DNAL1: variants seen among roughly 807,000 people sequenced by gnomAD.
The protein encoded by DNAL1 is dynein axonemal light chain 1, also known as chromosome 14 open reading frame 168.
DNAL1 carries 17 observed loss-of-function variants against 29.4 expected under a neutral mutation model. That is an observed-to-expected ratio of 0.58 (90% CI 0.40 to 0.87). The LOEUF (loss-of-function observed/expected upper bound fraction) is 0.87. Ranked by LOEUF, DNAL1 falls within the 40% of genes least tolerant of loss-of-function variation. The pLI, the probability that DNAL1 is intolerant of heterozygous loss-of-function variation, is 0.00. For missense variants in DNAL1, 188 were observed against 214.1 expected (o/e 0.88, Z 0.76); for synonymous variants, 78 against 76.3 (o/e 1.02, Z -0.12).
intron 7 of DNAL1, among the ~76,000 whole-genome samples, chr14:73,695,484 A>G (rs949840878): frequency 6.6e-6 from 1 of 152,072 alleles, no homozygotes; most frequent in Non-Finnish European, 1.5e-5. Flanking sequence ...TTATTTTGTG[A>G]AATTATTTTT....
At chr14:73,692,985 G>A (rs1892211179) in intron 7 of DNAL1, among the ~76,000 whole-genome samples, 1 of 151,910 alleles carries the variant, frequency 6.6e-6, no homozygotes, top group Non-Finnish European at 1.5e-5. Flanking sequence ...ACAGGCGTCC[G>A]CCACCACGCC....
chr14:73,695,749 G>C lies in DNAL1; in HGVS notation c.533-153G>C, dbSNP rs11625036. Reference sequence around the variant, plus strand: ...TCACCATGTTGGCCAGGATGGTCTTGAACTCCTGACCTCAGGTGATCCACC... The same window carrying C: ...TCACCATGTTGGCCAGGATGGTCTTCAACTCCTGACCTCAGGTGATCCACC... On this transcript the variant is annotated intron_variant, in intron 7 of 7. Coordinates refer to ENST00000553645, the MANE Select transcript of DNAL1 (RefSeq NM_031427.4). 0.23 allele frequency among the ~76,000 whole-genome samples: 34,300 copies of C among 151,892 alleles called. 5,039 individuals are homozygous for C. Among genetic ancestry groups the C allele is most frequent in the Non-Finnish European group, 0.33 (22,640 of 67,914 alleles).
At chr14:73,692,930 A>C (rs1275621971) in intron 7 of DNAL1, among the ~76,000 whole-genome samples, 1 of 150,678 alleles carries the variant, frequency 6.6e-6, no homozygotes, top group Non-Finnish European at 1.5e-5. Context: ...TCCACCTCCC[A>C]GATTCGAGCA....
intron 7 of DNAL1, among the ~76,000 whole-genome samples, chr14:73,690,577 G>A (rs549391860): frequency 5.2e-4 from 79 of 151,962 alleles, no homozygotes; most frequent in African/African-American, 1.2e-3. Flanking sequence ...GCTTGAATCC[G>A]GGAGGCGGAG....
In DNAL1 at chr14:73,689,653, A is replaced by G. The variant is rs1892118118; in HGVS notation, c.532+138A>G. ...GTCATTTCTATCTATGTAAAATTGA[A>G]TGGTCTAGGTTTGAGCCAAGGTGAG... On this transcript the variant is annotated intron_variant, in intron 7 of 7. Transcript: ENST00000553645. The G allele has an allele frequency of 9.7e-6, 13 of 1,343,824 alleles. No individual in the cohort carries two copies. In the Admixed American group the frequency reaches 1.2e-4, roughly 12 times the overall value. The allele number at this position is 1,343,824 out of a possible 1,614,324, so 83.2% of individuals were successfully genotyped here. A position where few individuals can be genotyped will look rare whatever the true frequency, so the allele number is the denominator to read the frequency against.
intron 5 of DNAL1, among the ~76,000 whole-genome samples, chr14:73,681,434 G>A (rs1891872357): frequency 6.8e-6 from 1 of 148,094 alleles, no homozygotes. Flanking sequence ...CGCACCCGGT[G>A]ATTTTATAAA....
chr14:73,647,707 T>C (rs1268477698), intron 1 of DNAL1, among the ~76,000 whole-genome samples: 1 of 152,196 alleles, frequency 6.6e-6, no homozygotes, highest in African/African-American at 2.4e-5. Flanking sequence ...TGACTCCTTC[T>C]ATCCATAGGA....
chr14:73,654,636 G>A (rs1167560486), intron 1 of DNAL1, among the ~76,000 whole-genome samples: 2 of 152,132 alleles, frequency 1.3e-5, no homozygotes, highest in Non-Finnish European at 2.9e-5. Context: ...GCGCGCACCT[G>A]TAGTCCCAGC....
intron 1 of DNAL1, among the ~76,000 whole-genome samples, chr14:73,645,920 T>C (rs1329049916): frequency 6.6e-6 from 1 of 152,214 alleles, no homozygotes; most frequent in Non-Finnish European, 1.5e-5. Flanking sequence ...TCCTACTGGA[T>C]AGAGATGTTT....
At chr14:73,678,591 A>C (rs1209154248) in intron 5 of DNAL1, among the ~76,000 whole-genome samples, 1 of 149,744 alleles carries the variant, frequency 6.7e-6, no homozygotes, top group Admixed American at 6.7e-5. Flanking sequence ...AGGCATCCTT[A>C]AACACTGTTG....
rs150173015 is a variant in DNAL1, at chr14:73,662,142, G to A, written c.208+100G>A. On this transcript the variant is annotated intron_variant, in intron 4 of 7. Transcript: ENST00000553645. The stretch of plus-strand genomic sequence containing the variant: ...ATTCCAGAAGCTGGCACCTGTTTTA[G>A]CCATACTTGTTGTCAGATAATAGAA... 7.3e-4 allele frequency: 753 copies of A among 1,024,828 alleles called. 4 individuals are homozygous for A. In the African/African-American group the frequency reaches 0.011, roughly 15 times the overall value. 63.5% of individuals were successfully genotyped at this position (1,024,828 alleles called of 1,614,324 possible). A position where few individuals can be genotyped will look rare whatever the true frequency, so the allele number is the denominator to read the frequency against.
intron 4 of DNAL1, among the ~76,000 whole-genome samples, chr14:73,669,433 T>G (rs1489381774): frequency 1.3e-5 from 2 of 151,946 alleles, no homozygotes; most frequent in Non-Finnish European, 2.9e-5. Context: ...TGCGCCACCA[T>G]GCCCAGCTAA....
chr14:73,645,118 G>C, intron 1 of DNAL1, 76 bp downstream of exon 1: 1 of 1,571,886 alleles, frequency 6.4e-7, no homozygotes, highest in Non-Finnish European at 8.6e-7. Flanking sequence ...GGAGTGTTGA[G>C]GGTCTGGGGG....
rs552849931 is a variant in DNAL1, at chr14:73,700,354, A to G, written c.*4412A>G. On this transcript the variant is annotated 3_prime_UTR_variant, in exon 8 of 8. Coordinates refer to ENST00000553645, the MANE Select transcript of DNAL1 (RefSeq NM_031427.4). The stretch of plus-strand genomic sequence containing the variant: ...GGTGACAGAGTAAGTCTCCGTCTCA[A>G]AAAGAAAAAAAAAAATGTGGTTCTT... 17 of 47,464 alleles carry G rather than the reference A, an allele frequency of 3.6e-4. No individual in the cohort carries two copies. In the East Asian group the frequency reaches 0.028, roughly 77 times the overall value. 2.9% of individuals were successfully genotyped at this position (47,464 alleles called of 1,614,324 possible).
intron 5 of DNAL1, among the ~76,000 whole-genome samples, chr14:73,683,977 G>T (rs1381344483): frequency 6.6e-6 from 1 of 152,108 alleles, no homozygotes; most frequent in African/African-American, 2.4e-5. Flanking sequence ...AAAGTGCTGG[G>T]ATTACAGGCG....
At chr14:73,654,327 A>C (rs1891164105) in intron 1 of DNAL1, among the ~76,000 whole-genome samples, 1 of 152,184 alleles carries the variant, frequency 6.6e-6, no homozygotes, top group African/African-American at 2.4e-5. Context: ...TTTCTCAGAG[A>C]TATTTAAATC....
intron 1 of DNAL1, among the ~76,000 whole-genome samples, chr14:73,647,364 CAAAAAAAAA>C (rs199974495): frequency 4.3e-5 from 4 of 92,754 alleles, no homozygotes; most frequent in South Asian, 8.1e-4. Flanking sequence ...GACTCTGTCT[CAAAAAAAAA>C]AAAAAAAAGA....
intron 7 of DNAL1, among the ~76,000 whole-genome samples, chr14:73,691,179 A>G (rs1210362143): frequency 6.6e-6 from 1 of 152,262 alleles, no homozygotes; most frequent in African/African-American, 2.4e-5. Context: ...ATTAAATAAA[A>G]TAATCTATGT....
chr14:73,645,553 A>T (rs756288612), intron 1 of DNAL1, among the ~76,000 whole-genome samples: 1 of 152,138 alleles, frequency 6.6e-6, no homozygotes, highest in Admixed American at 6.6e-5. Flanking sequence ...TCTGATGGAT[A>T]TATTAGAGCA....
Sources: allele counts gnomAD v4.1 joint callset (sites outside exome capture counted in the v4.1 genomes callset), GRCh38; gene constraint gnomAD v4.1.1; transcripts MANE v1.5; gene names NCBI Gene and HGNC (gene_info 2026-07-23, HGNC 2026-07-21).